Variants in UNC93A observed in about 807,000 individuals in gnomAD.
UNC93A encodes the protein N-acetylglucosamine transporter UNC93A.
UNC93A carries 43 observed loss-of-function variants against 47.5 expected under a neutral mutation model. The ratio of observed to expected loss-of-function variants is 0.91; its 90% CI spans 0.71 to 1.17. The LOEUF (loss-of-function observed/expected upper bound fraction) is 1.17, where lower values mean the gene tolerates loss of function less well. Among genes scored for constraint, UNC93A ranks in the 50% most tolerant of loss-of-function variants. UNC93A has a pLI of 0.00. For synonymous variants in UNC93A, 280 were observed against 258.0 expected, an observed-to-expected ratio of 1.09 and a Z score of -0.82; for missense variants, 605 against 577.6, an observed-to-expected ratio of 1.05 and a Z score of -0.49.
At chr6:167,273,130 C>A (rs1453345412) in intron 1 of UNC93A, among the ~76,000 whole-genome samples, 1 of 152,230 alleles carries the variant, frequency 6.6e-6, no homozygotes, top group Admixed American at 6.5e-5. Flanking sequence ...ACCCAGGTGA[C>A]ATCAATCACT....
chr6:167,305,784 G>C, intron 5 of UNC93A, 131 bp from the exon 6 acceptor site: 3 of 1,270,112 alleles, frequency 2.4e-6, no homozygotes, highest in Non-Finnish European at 2.2e-6. Context: ...ACAGAGCCTA[G>C]AGGAAGGTGT....
chr6:167,300,634 G>C (rs1335781792), intron 4 of UNC93A, among the ~76,000 whole-genome samples: 1 of 152,178 alleles, frequency 6.6e-6, no homozygotes, highest in Non-Finnish European at 1.5e-5. Context: ...TGGTCTGCAA[G>C]TCTCTGCTGA....
chr6:167,283,812 G>A (rs1295577519), intron 1 of UNC93A, among the ~76,000 whole-genome samples: 2 of 152,144 alleles, frequency 1.3e-5, no homozygotes, highest in African/African-American at 2.4e-5. Flanking sequence ...ATAGTCACAA[G>A]AAAGAACATC....
rs143557188 is a variant in UNC93A, at chr6:167,297,960, A to G, written c.515A>G (p.Glu172Gly). Residue 172 changes from glutamate (E) to glycine (G), a missense_variant, in exon 4 of 8, where the codon GAG becomes GGG. By Grantham distance (98) the Glu-to-Gly change is moderately conservative. Transcript: ENST00000230256. ...QTPSQETLPE[E>G]QLTSCGASDC... ...GACTTCATAGAGACCCTTCCAGAAG[A>G]GCAGCTCACGTCCTGTGGGGCCAGT... The G allele has an allele frequency of 1.2e-6, 2 of 1,613,900 alleles. No individual in the cohort carries two copies. Among genetic ancestry groups the G allele is most frequent in the African/African-American group, 2.7e-5 (2 of 74,858 alleles).
intron 2 of UNC93A, 133 bp downstream of exon 2, chr6:167,294,831 CT>C (rs1778007348): frequency 2.0e-6 from 2 of 986,160 alleles, no homozygotes; most frequent in African/African-American, 3.3e-5. Flanking sequence ...TCTCCTGCCC[CT>C]GCACCCCCGC....
chr6:167,275,517 G>C (rs1023706755), intron 1 of UNC93A, among the ~76,000 whole-genome samples: 2 of 152,314 alleles, frequency 1.3e-5, no homozygotes, highest in South Asian at 2.1e-4. Context: ...TCAGCGGGGG[G>C]ATCTTCCAGG....
chr6:167,276,579 G>T (rs1783547203), intron 1 of UNC93A, among the ~76,000 whole-genome samples: 1 of 152,130 alleles, frequency 6.6e-6, no homozygotes, highest in Non-Finnish European at 1.5e-5. Context: ...CACACACTGT[G>T]CACAGTGGCT....
intron 2 of UNC93A, 41 bp from the exon 3 acceptor site, chr6:167,295,991 C>T (rs373820557): frequency 8.1e-4 from 1,280 of 1,581,374 alleles, no homozygotes; most frequent in Non-Finnish European, 1.0e-3. Context: ...AATGGGCTTG[C>T]GTCTCCTGTT....
chr6:167,313,107 G>T (rs887625954), intron 7 of UNC93A, among the ~76,000 whole-genome samples: 1 of 152,178 alleles, frequency 6.6e-6, no homozygotes, highest in Non-Finnish European at 1.5e-5. Flanking sequence ...AGGAGTGAGG[G>T]TGTCACCTCT....
intron 1 of UNC93A, among the ~76,000 whole-genome samples, chr6:167,274,479 C>T (rs1254003000): frequency 4.6e-5 from 7 of 152,100 alleles, no homozygotes; most frequent in Admixed American, 4.6e-4. Flanking sequence ...CCTGTTTATC[C>T]TCCTCTTCCT....
intron 3 of UNC93A, 98 bp from the exon 4 acceptor site, chr6:167,297,847 G>A (rs1056527965): frequency 5.6e-5 from 83 of 1,491,516 alleles, no homozygotes; most frequent in Middle Eastern, 1.8e-4. Flanking sequence ...CCCCCCAGGT[G>A]TCCAATGTCC....
chr6:167,306,720 G>T (rs1399469277), intron 6 of UNC93A, among the ~76,000 whole-genome samples: 2 of 152,164 alleles, frequency 1.3e-5, no homozygotes, highest in East Asian at 3.9e-4. Context: ...CCGTCTTCAC[G>T]GCGCCCTGTG....
chr6:167,312,122 T>C (rs1287736744), intron 7 of UNC93A, among the ~76,000 whole-genome samples: 1 of 152,140 alleles, frequency 6.6e-6, no homozygotes, highest in Non-Finnish European at 1.5e-5. Context: ...CCGTAGTCTG[T>C]AGGCTGTTCC....
Position 167,294,691 on chromosome 6 carries a change from G to T in UNC93A, c.262G>T (p.Ala88Ser), listed in dbSNP as rs376773048. The T allele has an allele frequency of 2.5e-6, 4 of 1,592,438 alleles. No homozygotes were observed. The highest frequency in any genetic ancestry group is 3.4e-6 in the Non-Finnish European group (4 of 1,165,602). The change falls in exon 2 of 8, where the codon GCC becomes TCC. Residue 88 changes from alanine (A) to serine (S), a missense_variant. Coordinates refer to ENST00000230256, the MANE Select transcript of UNC93A (RefSeq NM_018974.4). ...GGCCTTCTCCGTGGGCAACTTCTTC[G>T]CCAGCTGGTACGCAGCCACCACCCC... ...YVAFSVGNFFASWYTLIPTSI... is the reference protein window; with the variant it reads ...YVAFSVGNFFSSWYTLIPTSI...
intron 5 of UNC93A, among the ~76,000 whole-genome samples, chr6:167,304,897 A>G (rs1308347472): frequency 6.6e-6 from 1 of 152,150 alleles, no homozygotes; most frequent in Non-Finnish European, 1.5e-5. Flanking sequence ...ATGCTTCACA[A>G]TCTAAAAATC....
intron 4 of UNC93A, among the ~76,000 whole-genome samples, chr6:167,303,667 A>T (rs1256335676): frequency 2.0e-5 from 3 of 152,132 alleles, no homozygotes; most frequent in Non-Finnish European, 2.9e-5. Flanking sequence ...TATGCCGGTG[A>T]GGACAATACT....
chr6:167,275,194 C>T (rs760879940), intron 1 of UNC93A, among the ~76,000 whole-genome samples: 2 of 152,144 alleles, frequency 1.3e-5, no homozygotes, highest in African/African-American at 2.4e-5. Flanking sequence ...TGGTTGCCTG[C>T]GAAACTCTGC....
Position 167,314,257 on chromosome 6 carries a change from A to G in UNC93A, c.1109-930A>G, listed in dbSNP as rs569080668. Among the ~76,000 whole-genome samples the G allele has an allele frequency of 1.6e-4, 25 of 152,292 alleles. No homozygotes were observed. In the East Asian group the frequency reaches 4.4e-3, roughly 27 times the overall value. ...TGTGTCTTGCGCTGAACCAGGTGCC[A>G]TGGAGTTTACAAAATTAAATGCCAT... is the stretch of plus-strand genomic sequence containing the variant. On this transcript the variant is annotated intron_variant, in intron 7 of 7. Coordinates refer to ENST00000230256, the MANE Select transcript of UNC93A (RefSeq NM_018974.4).
intron 6 of UNC93A, among the ~76,000 whole-genome samples, chr6:167,307,444 AGTTCCAGAGGACG>A (rs1396625462): frequency 7.6e-5 from 4 of 52,952 alleles, no homozygotes; most frequent in Admixed American, 1.7e-4. Context: ...TGGTTGAGAC[AGTTCCAGAGGACG>A]GTTCCAGAGG....
Sources: allele counts gnomAD v4.1 joint callset (sites outside exome capture counted in the v4.1 genomes callset), GRCh38; gene constraint gnomAD v4.1.1; transcripts MANE v1.5; gene names NCBI Gene and HGNC (gene_info 2026-07-23, HGNC 2026-07-21).